GBE1: variants seen among roughly 807,000 people sequenced by gnomAD.
The protein encoded by GBE1 is 1,4-alpha-glucan branching enzyme 1.
A neutral mutation model predicts 88.8 loss-of-function variants in GBE1; 70 were observed. The observed-to-expected ratio is 0.79, with a 90% confidence interval of 0.65 to 0.96. GBE1 has a LOEUF of 0.96. Ranked by LOEUF, GBE1 falls within the 40% of genes least tolerant of loss-of-function variation. The pLI is 0.00. For synonymous variants in GBE1, 284 were observed against 300.1 expected, an observed-to-expected ratio of 0.95 and a Z score of 0.56; for missense variants, 872 against 871.0, an observed-to-expected ratio of 1.00 and a Z score of -0.01.
intron 12 of GBE1, among the ~76,000 whole-genome samples, chr3:81,550,608 G>A (rs1321749556): frequency 6.6e-6 from 1 of 152,052 alleles, no homozygotes; most frequent in Non-Finnish European, 1.5e-5. Context: ...GTTGGCACAA[G>A]ACACAGGTCA....
chr3:81,660,468 C>A (rs1385478720), intron 3 of GBE1, among the ~76,000 whole-genome samples: 1 of 152,138 alleles, frequency 6.6e-6, no homozygotes, highest in Admixed American at 6.6e-5. Flanking sequence ...GTAGAGAAAA[C>A]TACTGAATAA....
rs576005761 is a variant in GBE1, at chr3:81,705,582, T to C, written c.175A>G (p.Ile59Val). The change falls in exon 2 of 16, where the codon ATT becomes GTT. Residue 59 changes from isoleucine (I) to valine (V), a missense_variant. Ile to Val is a conservative substitution (Grantham distance 29, BLOSUM62 3). Coordinates refer to ENST00000429644, the MANE Select transcript of GBE1 (RefSeq NM_000158.4). ...YKQFSQILKN[I>V]GENEGGIDKF... ...TCAATACCACCTTCATTTTCTCCAATGTTCTTCAAAATTTGGCTAAACTGC... is the reference window on the plus strand; with the variant it reads ...TCAATACCACCTTCATTTTCTCCAACGTTCTTCAAAATTTGGCTAAACTGC... 1 of 1,571,788 alleles carries C rather than the reference T, an allele frequency of 6.4e-7. No individual in the cohort carries two copies. Among genetic ancestry groups the C allele is most frequent in the East Asian group, 2.3e-5 (1 of 43,142 alleles).
intron 14 of GBE1, among the ~76,000 whole-genome samples, chr3:81,499,929 T>C (rs1702564746): frequency 6.6e-6 from 1 of 152,172 alleles, no homozygotes; most frequent in Admixed American, 6.6e-5. Context: ...TATGCATTGG[T>C]ACCTTAGAAA....
intron 12 of GBE1, among the ~76,000 whole-genome samples, chr3:81,575,007 T>C (rs1348267748): frequency 6.6e-6 from 1 of 151,618 alleles, no homozygotes; most frequent in Non-Finnish European, 1.5e-5. Flanking sequence ...TACTAAAAAA[T>C]ACAAAAAATT....
chr3:81,588,987 C>T lies in GBE1; in HGVS notation c.1236+2050G>A, dbSNP rs552899927. ...ATTAATGCATATGAGTTGTTTCAGC[C>T]CTCCTTTTGAAGGTGGAAAGTTTGT... On this transcript the variant is annotated intron_variant, in intron 9 of 15. Transcript: ENST00000429644. Among the ~76,000 whole-genome samples the T allele has an allele frequency of 1.1e-4, 17 of 152,006 alleles. No homozygotes were observed. In the East Asian group the frequency reaches 3.1e-3, roughly 28 times the overall value.
chr3:81,518,485 T>A (rs1702828129), intron 14 of GBE1, among the ~76,000 whole-genome samples: 1 of 151,482 alleles, frequency 6.6e-6, no homozygotes, highest in Admixed American at 6.6e-5. Context: ...GTTGCAATAT[T>A]TTAATCATGC....
chr3:81,530,503 G>A (rs147912118), intron 14 of GBE1, among the ~76,000 whole-genome samples: 2 of 152,066 alleles, frequency 1.3e-5, no homozygotes, highest in Non-Finnish European at 2.9e-5. Flanking sequence ...AGACTTGGGT[G>A]TTGTGATCTA....
At chr3:81,567,536 C>T (rs1475752361) in intron 12 of GBE1, among the ~76,000 whole-genome samples, 1 of 152,104 alleles carries the variant, frequency 6.6e-6, no homozygotes, top group East Asian at 1.9e-4. Flanking sequence ...AAACTAAACT[C>T]CTCACCTTCA....
At position 81,631,547 on chromosome 3, in the gene GBE1, C is replaced by T. The variant is rs551963810; in HGVS notation, c.992+11234G>A. ...GTCAGGAGATCGAAAACATCCTGGCCAACATGGTGAAACCCCGTCTCTACT... is the reference window on the plus strand; with the variant it reads ...GTCAGGAGATCGAAAACATCCTGGCTAACATGGTGAAACCCCGTCTCTACT... On this transcript the variant is annotated intron_variant, in intron 7 of 15. Transcript: ENST00000429644. 4.7e-5 allele frequency among the ~76,000 whole-genome samples: 7 copies of T among 149,854 alleles called. No homozygotes were observed. In the South Asian group the frequency reaches 1.3e-3, roughly 27 times the overall value.
Position 81,509,111 on chromosome 3 carries a change from T to C in GBE1, c.1935-9884A>G, listed in dbSNP as rs1576125359. Reference sequence around the variant, plus strand: ...TATAAAAGTGGGTCTATTAATTCTTTATTTTACTTTTTATACTTGACTTGG... The same window carrying C: ...TATAAAAGTGGGTCTATTAATTCTTCATTTTACTTTTTATACTTGACTTGG... On this transcript the variant is annotated intron_variant, in intron 14 of 15. Coordinates refer to ENST00000429644, the MANE Select transcript of GBE1 (RefSeq NM_000158.4). Among the ~76,000 whole-genome samples, 4 of 152,250 alleles carry C rather than the reference T, an allele frequency of 2.6e-5. No homozygotes were observed. The South Asian group carries it at 8.3e-4, about 32-fold the overall frequency.
At chr3:81,546,732 T>C (rs533719461) in intron 12 of GBE1, among the ~76,000 whole-genome samples, 12 of 151,646 alleles carry the variant, frequency 7.9e-5, no homozygotes, top group South Asian at 6.2e-4. Context: ...TTGTTTAGCA[T>C]ATAATCAAGA....
chr3:81,548,729 A>G (rs1458809107), intron 12 of GBE1, among the ~76,000 whole-genome samples: 1 of 150,936 alleles, frequency 6.6e-6, no homozygotes, highest in Non-Finnish European at 1.5e-5. Flanking sequence ...TACTTTGAAT[A>G]ACTTTGGAAT....
chr3:81,719,858 A>C (rs966955716), intron 1 of GBE1, among the ~76,000 whole-genome samples: 1 of 152,188 alleles, frequency 6.6e-6, no homozygotes, highest in Non-Finnish European at 1.5e-5. Flanking sequence ...ATATAAATTG[A>C]CACTTTGCAT....
chr3:81,536,276 G>A (rs1039917932), intron 13 of GBE1, among the ~76,000 whole-genome samples: 5 of 151,662 alleles, frequency 3.3e-5, no homozygotes, highest in African/African-American at 7.3e-5. Flanking sequence ...AACAGCCCCA[G>A]TATAAAGTAA....
intron 14 of GBE1, among the ~76,000 whole-genome samples, chr3:81,519,845 T>C (rs1187123685): frequency 6.6e-6 from 1 of 151,360 alleles, no homozygotes; most frequent in African/African-American, 2.4e-5. Flanking sequence ...GAAAAGTGAG[T>C]TGATTAGAAA....
chr3:81,671,200 G>A (rs904230239), intron 2 of GBE1, among the ~76,000 whole-genome samples: 3 of 152,096 alleles, frequency 2.0e-5, no homozygotes, highest in Non-Finnish European at 4.4e-5. Flanking sequence ...AACATTTTCA[G>A]TTGTGGTTTC....
At chr3:81,730,186 C>A (rs989124680) in intron 1 of GBE1, among the ~76,000 whole-genome samples, 1 of 152,034 alleles carries the variant, frequency 6.6e-6, no homozygotes. Context: ...CTATGTGCTC[C>A]ATCACCCAGA....
chr3:81,557,790 G>A (rs972852219), intron 12 of GBE1, among the ~76,000 whole-genome samples: 3 of 152,156 alleles, frequency 2.0e-5, no homozygotes, highest in Admixed American at 2.0e-4. Context: ...TAGAACACCT[G>A]AGAAAGATGT....
intron 12 of GBE1, among the ~76,000 whole-genome samples, chr3:81,548,415 G>A (rs1703235123): frequency 6.6e-6 from 1 of 151,366 alleles, no homozygotes; most frequent in African/African-American, 2.4e-5. Flanking sequence ...ACTGTCACAT[G>A]TGAAATAGTG....
Sources: allele counts gnomAD v4.1 joint callset (sites outside exome capture counted in the v4.1 genomes callset), GRCh38; gene constraint gnomAD v4.1.1; transcripts MANE v1.5; gene names NCBI Gene and HGNC (gene_info 2026-07-23, HGNC 2026-07-21).